Variants in ROBO1 observed in about 807,000 individuals in gnomAD.
ROBO1 encodes the protein roundabout guidance receptor 1.
In ROBO1, 149 loss-of-function variants were observed where a neutral mutation model predicts 195.9. The ratio of observed to expected loss-of-function variants is 0.76; its 90% CI spans 0.67 to 0.87. ROBO1 has a LOEUF of 0.87. ROBO1 is among the 40% of genes least tolerant of loss of function. The pLI is 0.00. For synonymous variants in ROBO1, 816 were observed against 733.2 expected, an observed-to-expected ratio of 1.11 and a Z score of -1.82; for missense variants, 1,933 against 2,068.3, an observed-to-expected ratio of 0.93 and a Z score of 1.27.
rs564310050 is a variant in ROBO1 at position 79,764,332 on chromosome 3, GT to G, written c.-51+3419del. ...GTAACATTGCTCACTTCAACAGCAA[GT>G]TTAGAGAGATAAATGATTATGTGAC... On this transcript the variant is annotated intron_variant, in intron 1 of 30. Transcript: ENST00000464233. 3.0e-4 allele frequency among the ~76,000 whole-genome samples: 45 copies of G among 152,312 alleles called. No individual in the cohort carries two copies. In the South Asian group the frequency reaches 9.3e-3, roughly 32 times the overall value.
At chr3:79,380,816 T>C (rs2036543199) in intron 2 of ROBO1, among the ~76,000 whole-genome samples, 1 of 152,068 alleles carries the variant, frequency 6.6e-6, no homozygotes. Flanking sequence ...AGTGTGCCAA[T>C]TCTGAGTCAA....
chr3:78,905,244 C>T (rs528118260), intron 4 of ROBO1, among the ~76,000 whole-genome samples: 1 of 152,216 alleles, frequency 6.6e-6, no homozygotes, highest in Admixed American at 6.6e-5. Flanking sequence ...TCACAGTGTA[C>T]TTCTAAAATC....
chr3:79,436,786 T>A (rs1042658456), intron 2 of ROBO1, among the ~76,000 whole-genome samples: 1 of 152,070 alleles, frequency 6.6e-6, no homozygotes, highest in Non-Finnish European at 1.5e-5. Flanking sequence ...AGCTTCCTCA[T>A]ATCAAAAAAG....
chr3:79,550,217 A>G lies in ROBO1; in HGVS notation c.88+39607T>C, dbSNP rs367938099. ...AAAGGAAAAGAAAAGAAAAGAAAAG[A>G]AAAGAAAAGAAAAGAAAAGAAAAGA... On this transcript the variant is annotated intron_variant, in intron 2 of 30. Coordinates refer to ENST00000464233, the MANE Select transcript of ROBO1 (RefSeq NM_002941.4). 5.8e-3 allele frequency among the ~76,000 whole-genome samples: 746 copies of G among 129,356 alleles called. 32 individuals are homozygous for G. The highest frequency in any genetic ancestry group is 0.013 in the African/African-American group (458 of 35,764). 84.9% of individuals were successfully genotyped at this position (129,356 alleles called of 152,430 possible). A position where few individuals can be genotyped will look rare whatever the true frequency, so the allele number is the denominator to read the frequency against.
chr3:78,639,448 A>T (rs1016912095), intron 22 of ROBO1, among the ~76,000 whole-genome samples: 1 of 152,086 alleles, frequency 6.6e-6, no homozygotes. Flanking sequence ...TCTCCAATAA[A>T]TAATAAATAA....
chr3:78,616,404 A>G (rs951543989), intron 27 of ROBO1, among the ~76,000 whole-genome samples: 7 of 152,220 alleles, frequency 4.6e-5, no homozygotes, highest in African/African-American at 1.7e-4. Flanking sequence ...ATGACATAAA[A>G]TATAGGCCTG....
At chr3:78,944,910 C>T (rs1367241433) in intron 3 of ROBO1, among the ~76,000 whole-genome samples, 2 of 152,196 alleles carry the variant, frequency 1.3e-5, no homozygotes, top group Non-Finnish European at 2.9e-5. Flanking sequence ...GAGTCTTGCT[C>T]ATTGCTAGCA....
At chr3:79,382,698 A>G (rs1252997066) in intron 2 of ROBO1, among the ~76,000 whole-genome samples, 2 of 152,174 alleles carry the variant, frequency 1.3e-5, no homozygotes, top group African/African-American at 4.8e-5. Context: ...ATCTCATTAC[A>G]GTCTCAATTT....
At chr3:79,440,745 C>A (rs1269487935) in intron 2 of ROBO1, among the ~76,000 whole-genome samples, 1 of 152,034 alleles carries the variant, frequency 6.6e-6, no homozygotes, top group Non-Finnish European at 1.5e-5. Context: ...TTAAATTACA[C>A]AGAATTGAGC....
intron 2 of ROBO1, among the ~76,000 whole-genome samples, chr3:79,175,272 A>T (rs2081245608): frequency 6.6e-6 from 1 of 152,152 alleles, no homozygotes; most frequent in Non-Finnish European, 1.5e-5. Context: ...ACTTTAATTC[A>T]GTTAGCACCT....
intron 3 of ROBO1, among the ~76,000 whole-genome samples, chr3:79,070,194 T>C (rs1371447654): frequency 6.6e-6 from 1 of 151,902 alleles, no homozygotes; most frequent in Non-Finnish European, 1.5e-5. Flanking sequence ...TCCATATTGT[T>C]GTCATCCAGT....
intron 9 of ROBO1, among the ~76,000 whole-genome samples, chr3:78,687,167 T>A (rs955600903): frequency 3.9e-5 from 6 of 152,118 alleles, no homozygotes; most frequent in African/African-American, 1.4e-4. Context: ...CTTAAATGAA[T>A]CATCAAAATA....
At position 78,598,044 on chromosome 3, in the gene ROBO1, G is replaced by C. The variant is rs1459657392; in HGVS notation, c.*869C>G. 2.0e-5 allele frequency: 3 copies of C among 151,838 alleles called. No homozygotes were observed. The highest frequency in any genetic ancestry group is 7.3e-5 in the African/African-American group (3 of 41,186). 9.4% of individuals were successfully genotyped at this position (151,838 alleles called of 1,614,324 possible). A position where few individuals can be genotyped will look rare whatever the true frequency, so the allele number is the denominator to read the frequency against. Reference sequence around the variant, plus strand: ...AAGTGGCACTTCTGAAAGTTGAACTGACACTACCAGAAGAAATTTAGGCCA... The same window carrying C: ...AAGTGGCACTTCTGAAAGTTGAACTCACACTACCAGAAGAAATTTAGGCCA... On this transcript the variant is annotated 3_prime_UTR_variant, in exon 31 of 31. Transcript: ENST00000464233.
In ROBO1 at chr3:78,607,244, A is replaced by G. The variant is rs541849860; in HGVS notation, c.4436-203T>C. The G allele has an allele frequency of 5.3e-6, 3 of 567,352 alleles. No homozygotes were observed. In the South Asian group the frequency reaches 6.9e-5, roughly 13 times the overall value. The allele number at this position is 567,352 out of a possible 1,614,324, so 35.1% of individuals were successfully genotyped here. A position where few individuals can be genotyped will look rare whatever the true frequency, so the allele number is the denominator to read the frequency against. On this transcript the variant is annotated intron_variant, in intron 28 of 30. Transcript: ENST00000464233. ...TTTATTTATTCTGAGACAGGGTCTT[A>G]CTCTGTCATTCAGGCTACAGTGCAG...
At chr3:79,292,408 A>G (rs2032306817) in intron 2 of ROBO1, among the ~76,000 whole-genome samples, 1 of 152,124 alleles carries the variant, frequency 6.6e-6, no homozygotes, top group Non-Finnish European at 1.5e-5. Context: ...AACTTCCAAT[A>G]CTATGTTGAA....
intron 4 of ROBO1, among the ~76,000 whole-genome samples, chr3:78,811,097 C>T (rs1376732634): frequency 6.6e-6 from 1 of 152,072 alleles, no homozygotes; most frequent in African/African-American, 2.4e-5. Flanking sequence ...TTTTTAAGGA[C>T]TGTTCTCGGT....
chr3:79,444,430 A>T (rs2039167320), intron 2 of ROBO1, among the ~76,000 whole-genome samples: 1 of 152,156 alleles, frequency 6.6e-6, no homozygotes, highest in South Asian at 2.1e-4. Context: ...AATTGACCAG[A>T]TTGGCAAAAA....
At chr3:78,646,620 C>T (rs927549589) in intron 20 of ROBO1, among the ~76,000 whole-genome samples, 13 of 129,952 alleles carry the variant, frequency 1.0e-4, no homozygotes, top group Non-Finnish European at 2.2e-4. Flanking sequence ...AAAAAAAAAA[C>T]TACTAGATTA....
At chr3:79,696,926 A>G (rs377624415) in intron 1 of ROBO1, among the ~76,000 whole-genome samples, 1 of 151,642 alleles carries the variant, frequency 6.6e-6, no homozygotes, top group East Asian at 1.9e-4. Context: ...GGTTTCATTA[A>G]GGAAATGAAA....
Sources: gnomAD v4.1 joint callset for allele counts (sites outside exome capture counted in the v4.1 genomes callset) on GRCh38, gnomAD v4.1.1 for gene constraint, MANE v1.5 for transcripts, NCBI Gene and HGNC (gene_info 2026-07-23, HGNC 2026-07-21) for gene names.